Variants in CCDC125 observed in about 807,000 individuals in gnomAD.
CCDC125 encodes the protein coiled-coil domain-containing protein 125.
Under a neutral mutation model 57.4 loss-of-function variants are expected in CCDC125, and 43 were observed. That is an observed-to-expected ratio of 0.75 (90% CI 0.59 to 0.97). The LOEUF (loss-of-function observed/expected upper bound fraction) is 0.97. Ranked by LOEUF, CCDC125 falls within the 50% of genes least tolerant of loss-of-function variation. The probability of loss-of-function intolerance (pLI) is 0.00; values close to 1 mark genes in which losing one functional copy is unlikely to be tolerated. For synonymous variants in CCDC125, 187 were observed against 195.2 expected (o/e 0.96, Z 0.35); for missense variants, 563 against 595.7 (o/e 0.95, Z 0.57).
In CCDC125 at chr5:69,294,924, C is replaced by CT. The variant is rs756635456; in HGVS notation, c.817-25dup. On this transcript the variant is annotated intron_variant, in intron 8 of 11. Coordinates refer to ENST00000396496, the MANE Select transcript of CCDC125 (RefSeq NM_176816.5). ...AGCTTTAAATTGAAAAGCATTGCTC[C>CT]TGTTATTAAGTGTCACACTGTTTTA... is the stretch of plus-strand genomic sequence containing the variant. 2.5e-6 allele frequency: 4 copies of CT among 1,595,054 alleles called. No homozygotes were observed. The African/African-American group carries it at 5.4e-5, about 21-fold the overall frequency.
intron 1 of CCDC125, among the ~76,000 whole-genome samples, chr5:69,326,135 C>T (rs1394218726): frequency 2.0e-5 from 3 of 152,172 alleles, no homozygotes; most frequent in African/African-American, 7.2e-5. Context: ...CCACCCCTGG[C>T]CCAGAGACAG....
intron 6 of CCDC125, among the ~76,000 whole-genome samples, chr5:69,305,669 G>T (rs748235969): frequency 7.9e-5 from 12 of 152,152 alleles, no homozygotes; most frequent in Non-Finnish European, 1.5e-4. Flanking sequence ...GTTATCTACT[G>T]GAACATCTGG....
intron 11 of CCDC125, 119 bp downstream of exon 11, chr5:69,285,218 G>A: frequency 1.2e-6 from 1 of 853,492 alleles, no homozygotes; most frequent in Middle Eastern, 2.3e-4. Context: ...TTTTAAGAAA[G>A]TTTACGAATT....
chr5:69,318,558 C>T (rs1348295414), intron 2 of CCDC125, among the ~76,000 whole-genome samples: 2 of 145,798 alleles, frequency 1.4e-5, no homozygotes, highest in African/African-American at 5.1e-5. Context: ...ACCTGGCCAA[C>T]GTGGTGAAAC....
intron 1 of CCDC125, among the ~76,000 whole-genome samples, chr5:69,325,559 C>T (rs1051705458): frequency 1.3e-5 from 2 of 150,322 alleles, no homozygotes; most frequent in African/African-American, 4.9e-5. Context: ...GGCACAGTGG[C>T]TCACGTCTGT....
intron 9 of CCDC125, 104 bp from the exon 10 acceptor site, chr5:69,292,466 G>T (rs550090051): frequency 2.0e-5 from 16 of 799,748 alleles, no homozygotes; most frequent in Non-Finnish European, 3.2e-5. Context: ...CCTAGCACTG[G>T]TTTATTGCCT....
intron 10 of CCDC125, among the ~76,000 whole-genome samples, chr5:69,289,862 C>CAA (rs11284379): frequency 2.7e-5 from 3 of 111,538 alleles, no homozygotes; most frequent in African/African-American, 6.6e-5. Context: ...GATGCTGCCT[C>CAA]AAAAAAAAAA....
rs1289529593 is a variant in CCDC125, at chr5:69,307,617, G to A, written c.531+334C>T. On this transcript the variant is annotated intron_variant, in intron 5 of 11. Transcript: ENST00000396496. Reference sequence around the variant, plus strand: ...GAATGGCGTGAACCCGGGAGGCAGAGCTCGCAGTGAGTAGAGATCGCGCCA... The same window carrying A: ...GAATGGCGTGAACCCGGGAGGCAGAACTCGCAGTGAGTAGAGATCGCGCCA... 6 of 198,070 alleles carry A rather than the reference G, an allele frequency of 3.0e-5. No homozygotes were observed. In the Admixed American group the frequency reaches 3.3e-4, roughly 11 times the overall value. The allele number at this position is 198,070 out of a possible 1,614,324, so 12.3% of individuals were successfully genotyped here.
At chr5:69,318,259 C>T (rs538153774) in intron 2 of CCDC125, among the ~76,000 whole-genome samples, 19 of 151,512 alleles carry the variant, frequency 1.3e-4, no homozygotes, top group Admixed American at 2.6e-4. Flanking sequence ...GGATTACAGG[C>T]GTGAGCCACA....
chr5:69,322,624 G>A (rs752278316), intron 1 of CCDC125, among the ~76,000 whole-genome samples: 5 of 151,632 alleles, frequency 3.3e-5, no homozygotes, highest in Admixed American at 6.6e-5. Flanking sequence ...GTGCCGTGGC[G>A]CAATCTCAGC....
downstream of CCDC125, chr5:69,277,055 A>G: frequency 6.7e-7 from 1 of 1,489,088 alleles, no homozygotes; most frequent in Non-Finnish European, 9.2e-7. Flanking sequence ...GAGAATGTGA[A>G]CTTTGTTAAA....
At chr5:69,308,104 A>G (rs1757622746) in intron 4 of CCDC125, 76 bp from the exon 5 acceptor site, 1 of 1,018,538 alleles carries the variant, frequency 9.8e-7, no homozygotes, top group East Asian at 2.4e-5. Flanking sequence ...GTTCTCTTTT[A>G]TTTTAAGGCA....
chr5:69,288,810 G>A (rs1375031102), intron 10 of CCDC125, among the ~76,000 whole-genome samples: 2 of 152,178 alleles, frequency 1.3e-5, no homozygotes, highest in Admixed American at 1.3e-4. Context: ...CTAACTCCAG[G>A]TAGACAGTGT....
At chr5:69,308,280 C>A (rs1466861292) in intron 4 of CCDC125, 3 of 492,564 alleles carry the variant, frequency 6.1e-6, no homozygotes, top group Non-Finnish European at 1.1e-5. Context: ...CAGTACTATT[C>A]ATCAGTCAAA....
At chr5:69,303,429 A>G (rs1756836227) in intron 7 of CCDC125, among the ~76,000 whole-genome samples, 2 of 147,816 alleles carry the variant, frequency 1.4e-5, no homozygotes, top group South Asian at 4.3e-4. Context: ...CAGAGGCACA[A>G]TCTTGGGTCA....
intron 3 of CCDC125, among the ~76,000 whole-genome samples, chr5:69,311,576 CG>C (rs1004282186): frequency 6.6e-6 from 1 of 151,848 alleles, no homozygotes; most frequent in Non-Finnish European, 1.5e-5. Flanking sequence ...CGCTTGAACC[CG>C]GGAGGCGGAG....
At chr5:69,315,223 T>C (rs1269807768) in intron 2 of CCDC125, among the ~76,000 whole-genome samples, 1 of 149,662 alleles carries the variant, frequency 6.7e-6, no homozygotes, top group African/African-American at 2.5e-5. Context: ...ACCATTAGAC[T>C]CCAGCCTGGG....
At chr5:69,286,217 TATATATATATATATATAA>T (rs1753367367) in intron 10 of CCDC125, among the ~76,000 whole-genome samples, 1 of 127,624 alleles carries the variant, frequency 7.8e-6, no homozygotes, top group African/African-American at 3.0e-5. Flanking sequence ...TATATATATA[TATATATATATATATATAA>T]TTTTTTTTTT....
rs56680316 is a variant in CCDC125 at position 69,282,679 on chromosome 5, A to G, written c.*50T>C. On this transcript the variant is annotated 3_prime_UTR_variant, in exon 12 of 12. Coordinates refer to ENST00000396496, the MANE Select transcript of CCDC125 (RefSeq NM_176816.5). ...GCAAAATTTACAAAATCATTTTTCA[A>G]AGTATCTCGATATAAACAACTCTCA... 17,518 of 1,422,298 alleles carry G rather than the reference A, an allele frequency of 0.012. 1,845 individuals are homozygous for G. In the African/African-American group the frequency reaches 0.22, roughly 18 times the overall value. 88.1% of individuals were successfully genotyped at this position (1,422,298 alleles called of 1,614,324 possible). A position where few individuals can be genotyped will look rare whatever the true frequency, so the allele number is the denominator to read the frequency against.
Sources: gnomAD v4.1 joint callset for allele counts (sites outside exome capture counted in the v4.1 genomes callset) on GRCh38, gnomAD v4.1.1 for gene constraint, MANE v1.5 for transcripts, NCBI Gene and HGNC (gene_info 2026-07-23, HGNC 2026-07-21) for gene names.